SLC35D2: variants seen among roughly 807,000 people sequenced by gnomAD.
SLC35D2 encodes solute carrier family 35 member D2.
Under a neutral mutation model 41.8 loss-of-function variants are expected in SLC35D2, and 43 were observed. The observed-to-expected ratio is 1.03, with a 90% confidence interval of 0.81 to 1.33. The LOEUF is 1.33. Among genes scored for constraint, SLC35D2 ranks in the 40% most tolerant of loss-of-function variants. The pLI, the probability that SLC35D2 is intolerant of heterozygous loss-of-function variation, is 0.00. For missense variants in SLC35D2, 380 were observed against 408.4 expected (o/e 0.93, Z 0.60); for synonymous variants, 150 against 163.9 (o/e 0.92, Z 0.65).
downstream of SLC35D2, among the ~76,000 whole-genome samples, chr9:96,317,164 C>A (rs1401569161): frequency 6.6e-6 from 1 of 151,732 alleles, no homozygotes; most frequent in African/African-American, 2.4e-5. Flanking sequence ...ATTAAAACAG[C>A]AAGAAATAGT....
At chr9:96,378,978 CT>C (rs1831072019) in intron 1 of SLC35D2, among the ~76,000 whole-genome samples, 1 of 151,798 alleles carries the variant, frequency 6.6e-6, no homozygotes, top group South Asian at 2.1e-4. Flanking sequence ...CTGTACAACA[CT>C]TATGAACTTG....
At chr9:96,337,818 C>A (rs13299657) in intron 8 of SLC35D2, among the ~76,000 whole-genome samples, 3,987 of 151,370 alleles carry the variant, frequency 0.026, 78 homozygotes, top group Middle Eastern at 0.054. Context: ...CCTATCTCTA[C>A]GAAAAATACA....
At chr9:96,335,559 C>T (rs1194390323) in intron 9 of SLC35D2, among the ~76,000 whole-genome samples, 1 of 152,064 alleles carries the variant, frequency 6.6e-6, no homozygotes, top group East Asian at 2.0e-4. Context: ...GGGGTTATGC[C>T]ATGTTGGCCA....
intron 8 of SLC35D2, among the ~76,000 whole-genome samples, chr9:96,339,606 G>T (rs537293307): frequency 6.6e-6 from 1 of 152,064 alleles, no homozygotes; most frequent in Non-Finnish European, 1.5e-5. Flanking sequence ...GTTGGAACGT[G>T]AGTCTTTTTC....
chr9:96,379,047 C>T (rs1215643742), intron 1 of SLC35D2, among the ~76,000 whole-genome samples: 1 of 152,006 alleles, frequency 6.6e-6, no homozygotes, highest in Non-Finnish European at 1.5e-5. Context: ...CCTGTAATCC[C>T]AGCCCTTCAA....
chr9:96,363,915 C>T (rs1394585513), intron 3 of SLC35D2, among the ~76,000 whole-genome samples: 3 of 152,198 alleles, frequency 2.0e-5, no homozygotes, highest in African/African-American at 7.2e-5. Context: ...TCTCTCACTT[C>T]CCAAGACACA....
intron 1 of SLC35D2, among the ~76,000 whole-genome samples, chr9:96,375,909 C>A (rs1349870394): frequency 6.6e-6 from 1 of 150,686 alleles, no homozygotes; most frequent in East Asian, 2.0e-4. Flanking sequence ...TCCTGTAATC[C>A]CAGCACTTTG....
intron 8 of SLC35D2, among the ~76,000 whole-genome samples, chr9:96,340,619 CAAAAAAAAAAAAAAAAA>C (rs57501812): frequency 5.7e-5 from 2 of 35,366 alleles, no homozygotes; most frequent in African/African-American, 1.1e-4. Context: ...GACTCCATCT[CAAAAAAAAAAAAAAAAA>C]AAAAAAAAAA....
intron 9 of SLC35D2, among the ~76,000 whole-genome samples, chr9:96,329,561 A>G (rs1828714107): frequency 6.6e-6 from 1 of 152,120 alleles, no homozygotes; most frequent in Non-Finnish European, 1.5e-5. Context: ...GCATTTTCAC[A>G]TCTATGATCT....
chr9:96,357,258 G>A (rs1334007885), intron 4 of SLC35D2, among the ~76,000 whole-genome samples: 2 of 152,186 alleles, frequency 1.3e-5, no homozygotes, highest in Non-Finnish European at 1.5e-5. Context: ...TTTTCTACCA[G>A]GGTTCCAAGA....
chr9:96,324,230 G>T lies in SLC35D2; in HGVS notation c.753-61C>A, dbSNP rs1164555560. 3.5e-6 allele frequency: 5 copies of T among 1,411,484 alleles called. No individual in the cohort carries two copies. In the East Asian group the frequency reaches 9.2e-5, roughly 26 times the overall value. The allele number at this position is 1,411,484 out of a possible 1,614,324, so 87.4% of individuals were successfully genotyped here. On this transcript the variant is annotated intron_variant, in intron 9 of 11. Transcript: ENST00000253270. ...CACTACGCTGGGTAATGACAAATAG[G>T]TTAAGGCCAGCAGTGACCCCCACAC...
At chr9:96,344,529 A>AG (rs1829479254) in intron 7 of SLC35D2, among the ~76,000 whole-genome samples, 2 of 69,698 alleles carry the variant, frequency 2.9e-5, no homozygotes, top group African/African-American at 8.2e-5. Flanking sequence ...AAAAAAAAAA[A>AG]GGCCATGCAG....
At chr9:96,366,990 G>A (rs574031412) in intron 2 of SLC35D2, among the ~76,000 whole-genome samples, 19 of 151,258 alleles carry the variant, frequency 1.3e-4, no homozygotes, top group Non-Finnish European at 1.8e-4. Context: ...GGAGGCCGAG[G>A]TGGGTGGATC....
chr9:96,315,497 G>A (rs939707242), intron 11 of SLC35D2, among the ~76,000 whole-genome samples: 10 of 149,318 alleles, frequency 6.7e-5, no homozygotes, highest in South Asian at 2.1e-4. Context: ...GCAGTGGCGC[G>A]ATCTCAGCTC....
chr9:96,344,413 A>G (rs1340737515), intron 7 of SLC35D2, among the ~76,000 whole-genome samples: 1 of 151,114 alleles, frequency 6.6e-6, no homozygotes, highest in Non-Finnish European at 1.5e-5. Context: ...ATTTACTTTC[A>G]TTAAAGTGGC....
At chr9:96,349,069 C>A (rs184669333) in intron 6 of SLC35D2, among the ~76,000 whole-genome samples, 3 of 152,200 alleles carry the variant, frequency 2.0e-5, no homozygotes, top group East Asian at 3.9e-4. Context: ...AAATATGGTA[C>A]CCTGGCATAC....
intron 4 of SLC35D2, chr9:96,357,628 A>G (rs1830080832): frequency 6.6e-6 from 1 of 152,246 alleles, no homozygotes; most frequent in Non-Finnish European, 1.5e-5. Flanking sequence ...TAACATTCTT[A>G]GAAGAAAGTA....
chr9:96,378,051 C>A (rs1158320912), intron 1 of SLC35D2, among the ~76,000 whole-genome samples: 1 of 151,782 alleles, frequency 6.6e-6, no homozygotes, highest in Non-Finnish European at 1.5e-5. Context: ...ATACAGAATT[C>A]CAGTTCCCAC....
rs1328406963 is a variant in SLC35D2 at position 96,320,999 on chromosome 9, G to A, written c.*243C>T. ...AAGAGCAGCTGGGGCTCCACCTACC[G>A]AGTCCCAGTGGCTTATTTTGAAAAG... is the stretch of plus-strand genomic sequence containing the variant. On this transcript the variant is annotated 3_prime_UTR_variant, in exon 12 of 12. Coordinates refer to ENST00000253270, the MANE Select transcript of SLC35D2 (RefSeq NM_007001.3). The A allele has an allele frequency of 7.7e-6, 3 of 390,696 alleles. No individual in the cohort carries two copies. The highest frequency in any genetic ancestry group is 3.4e-5 in the South Asian group (1 of 29,422). 24.2% of individuals were successfully genotyped at this position (390,696 alleles called of 1,614,324 possible).
Sources: gnomAD v4.1 joint callset for allele counts (sites outside exome capture counted in the v4.1 genomes callset) on GRCh38, gnomAD v4.1.1 for gene constraint, MANE v1.5 for transcripts, NCBI Gene and HGNC (gene_info 2026-07-23, HGNC 2026-07-21) for gene names.